The following BARD1 variants were observed in gnomAD, a reference collection of about 807,000 sequenced individuals.
BARD1 encodes the protein BRCA1 associated RING domain 1, also known as BRCA1-associated RING domain protein 1.
BARD1 carries 73 observed loss-of-function variants against 77.0 expected under a neutral mutation model. The ratio of observed to expected loss-of-function variants is 0.95; its 90% CI spans 0.79 to 1.15. The LOEUF is 1.15. Ranked by LOEUF, BARD1 falls within the 50% of genes most tolerant of loss-of-function variation. The pLI is 0.00. For missense variants in BARD1, 993 were observed against 938.8 expected (o/e 1.06, Z -0.75); for synonymous variants, 384 against 338.0 (o/e 1.14, Z -1.49).
intron 4 of BARD1, among the ~76,000 whole-genome samples, chr2:214,779,651 AT>A (rs1694887767): frequency 6.6e-6 from 1 of 152,112 alleles, no homozygotes; most frequent in South Asian, 2.1e-4. Context: ...CAAATGTTTT[AT>A]GTTGCCCACC....
intron 3 of BARD1, among the ~76,000 whole-genome samples, chr2:214,786,235 G>A (rs1695270915): frequency 6.6e-6 from 1 of 152,122 alleles, no homozygotes; most frequent in South Asian, 2.1e-4. Context: ...ATACTTAAGA[G>A]ATACAACATT....
chr2:214,789,537 ACTGT>A (rs978427837), intron 3 of BARD1, among the ~76,000 whole-genome samples: 67 of 152,130 alleles, frequency 4.4e-4, no homozygotes, highest in Admixed American at 1.2e-3. Flanking sequence ...AGAGCAAGAC[ACTGT>A]CTGTCTCAAA....
intron 4 of BARD1, among the ~76,000 whole-genome samples, chr2:214,778,133 T>A (rs1364927774): frequency 2.0e-5 from 3 of 151,736 alleles, no homozygotes; most frequent in Non-Finnish European, 4.4e-5. Context: ...GAGGCGGAGG[T>A]TGCAGTGAGC....
intron 6 of BARD1, among the ~76,000 whole-genome samples, chr2:214,762,908 C>T (rs1389076536): frequency 7.2e-6 from 1 of 137,958 alleles, no homozygotes; most frequent in Non-Finnish European, 1.5e-5. Flanking sequence ...ACTACTGTCA[C>T]TACTTTGATT....
Position 214,809,632 on chromosome 2 carries a change from C to G in BARD1, c.-63G>C. On this transcript the variant is annotated 5_prime_UTR_variant, in exon 1 of 11. Transcript: ENST00000260947. ...GAAGCAAGGAAGCCTCGGGAAACCA[C>G]AGGGAAGCTGCAGGCCAGCGACTCG... The G allele has an allele frequency of 6.6e-7, 1 of 1,515,542 alleles. No individual in the cohort carries two copies. The highest frequency in any genetic ancestry group is 8.8e-7 in the Non-Finnish European group (1 of 1,130,976). The allele number at this position is 1,515,542 out of a possible 1,614,324, so 93.9% of individuals were successfully genotyped here.
intron 6 of BARD1, among the ~76,000 whole-genome samples, chr2:214,753,556 T>C (rs1189891523): frequency 6.6e-6 from 1 of 152,094 alleles, no homozygotes; most frequent in Non-Finnish European, 1.5e-5. Flanking sequence ...ATTCTGTAAA[T>C]TGTATCAAAT....
chr2:214,753,137 C>T (rs1693536436), intron 6 of BARD1, among the ~76,000 whole-genome samples: 1 of 152,050 alleles, frequency 6.6e-6, no homozygotes. Context: ...TACTAATTCA[C>T]AAGTCACAGA....
At chr2:214,809,377 C>A (rs1696448693) in intron 1 of BARD1, 35 bp downstream of exon 1, 13 of 1,610,762 alleles carry the variant, frequency 8.1e-6, no homozygotes, top group Non-Finnish European at 1.1e-5. Flanking sequence ...GCGACCCGTG[C>A]CCTCGCAGCC....
At chr2:214,774,010 G>C (rs751619157) in intron 4 of BARD1, among the ~76,000 whole-genome samples, 2 of 152,180 alleles carry the variant, frequency 1.3e-5, no homozygotes, top group Non-Finnish European at 2.9e-5. Flanking sequence ...ACCAGAAGTA[G>C]ATTCCATCTG....
intron 7 of BARD1, among the ~76,000 whole-genome samples, chr2:214,747,555 A>G (rs1693186033): frequency 6.6e-6 from 1 of 151,770 alleles, no homozygotes; most frequent in South Asian, 2.1e-4. Flanking sequence ...TGTCCTTTGT[A>G]GGGACATGGA....
intron 5 of BARD1, among the ~76,000 whole-genome samples, chr2:214,768,320 A>G (rs562301894): frequency 6.6e-6 from 1 of 152,346 alleles, no homozygotes; most frequent in East Asian, 1.9e-4. Context: ...ATTCATAATA[A>G]GTGATATCAC....
Position 214,780,894 on chromosome 2 carries a change from C to G in BARD1, c.980G>C (p.Arg327Thr), listed in dbSNP as rs2106109416. The G allele has an allele frequency of 6.2e-7, 1 of 1,614,094 alleles. No homozygotes were observed. Among genetic ancestry groups the G allele is most frequent in the Non-Finnish European group, 8.5e-7 (1 of 1,179,996 alleles). Residue 327 changes from arginine (R) to threonine (T), a missense_variant, in exon 4 of 11, where the codon AGA becomes ACA. Arg to Thr is a moderately conservative substitution (Grantham distance 71). Transcript: ENST00000260947. ...TCTCTTAGAAATGGGACTGGAAAGT[C>G]TATTGTGATGGCCACGTTTTCCATT... ...ENNGKRGHHNRLSSPISKRCR... is the reference protein window; with the variant it reads ...ENNGKRGHHNTLSSPISKRCR...
chr2:214,776,234 G>A (rs998448954), intron 4 of BARD1, among the ~76,000 whole-genome samples: 6 of 152,148 alleles, frequency 3.9e-5, no homozygotes, highest in Non-Finnish European at 7.4e-5. Flanking sequence ...GTAGAAGGGT[G>A]TGGGGGAAGA....
At chr2:214,779,869 A>C (rs1694898846) in intron 4 of BARD1, among the ~76,000 whole-genome samples, 1 of 152,218 alleles carries the variant, frequency 6.6e-6, no homozygotes. Flanking sequence ...TTATAAAGCT[A>C]TGGTGCCTAC....
chr2:214,733,774 G>A (rs1477708898), intron 9 of BARD1, among the ~76,000 whole-genome samples: 2 of 152,052 alleles, frequency 1.3e-5, no homozygotes, highest in East Asian at 1.9e-4. Context: ...TTACATCCAT[G>A]TTTTAAAGAT....
chr2:214,784,666 G>A (rs1695189754), intron 3 of BARD1, among the ~76,000 whole-genome samples: 1 of 152,148 alleles, frequency 6.6e-6, no homozygotes, highest in Non-Finnish European at 1.5e-5. Context: ...AGAAAATGTG[G>A]CACATATACA....
Position 214,728,787 on chromosome 2 carries a change from A to G in BARD1, c.2223T>C (p.Asp741=), listed in dbSNP as rs1692203425. 6.2e-7 allele frequency: 1 copy of G among 1,614,184 alleles called. No individual in the cohort carries two copies. The highest frequency in any genetic ancestry group is 1.1e-5 in the South Asian group (1 of 91,086). Reference sequence around the variant, plus strand: ...CCCTCTCTGGGTGATAATTACACAAATCTTCATAGATGATATACTGTGTGC... The same window carrying G: ...CCCTCTCTGGGTGATAATTACACAAGTCTTCATAGATGATATACTGTGTGC... ...RFCTQYIIYE[D]LCNYHPERVR... Residue 741 remains aspartate (D), a synonymous_variant, in exon 11 of 11, where the codon GAT becomes GAC. Coordinates refer to ENST00000260947, the MANE Select transcript of BARD1 (RefSeq NM_000465.4).
rs373763567 is a variant in BARD1, at chr2:214,781,280, A to C, written c.594T>G (p.Ala198=). 3.1e-6 allele frequency: 5 copies of C among 1,600,028 alleles called. No individual in the cohort carries two copies. The highest frequency in any genetic ancestry group is 2.2e-5 in the East Asian group (1 of 44,798). ...PADVSERAKK[A]SARSGKKQKK... is the part of the protein sequence containing the mutation. ...TTTGCTTTTTTCCAGATCTTGCAGA[A>C]GCCTTTTTAGCCCTCTCAGAAACAT... Residue 198 remains alanine (A), a synonymous_variant, in exon 4 of 11, where the codon GCT becomes GCG. Coordinates refer to ENST00000260947, the MANE Select transcript of BARD1 (RefSeq NM_000465.4).
At chr2:214,803,767 T>C (rs1027575603) in intron 1 of BARD1, among the ~76,000 whole-genome samples, 1 of 152,172 alleles carries the variant, frequency 6.6e-6, no homozygotes, top group Non-Finnish European at 1.5e-5. Flanking sequence ...CTCTATACTT[T>C]GTATCTGTGT....
Sources: allele counts gnomAD v4.1 joint callset (sites outside exome capture counted in the v4.1 genomes callset), GRCh38; gene constraint gnomAD v4.1.1; transcripts MANE v1.5; gene names NCBI Gene and HGNC (gene_info 2026-07-23, HGNC 2026-07-21).